The following GMDS variants were observed in gnomAD, a reference collection of about 807,000 sequenced individuals.
The protein encoded by GMDS is GDP-mannose 4,6-dehydratase, also known as GDP-mannose 4,6 dehydratase.
Under a neutral mutation model 49.9 loss-of-function variants are expected in GMDS, and 20 were observed. The observed-to-expected ratio is 0.40, with a 90% CI of 0.28 to 0.58. The LOEUF (loss-of-function observed/expected upper bound fraction) is 0.58. Ranked by LOEUF, GMDS falls within the 20% of genes least tolerant of loss-of-function variation. GMDS has a pLI of 0.42. For synonymous variants in GMDS, 177 were observed against 178.6 expected, an observed-to-expected ratio of 0.99 and a Z score of 0.07; for missense variants, 362 against 481.4, an observed-to-expected ratio of 0.75 and a Z score of 2.32.
intron 9 of GMDS, among the ~76,000 whole-genome samples, chr6:1,664,572 A>C (rs970035062): frequency 6.6e-6 from 1 of 152,208 alleles, no homozygotes; most frequent in Non-Finnish European, 1.5e-5. Flanking sequence ...GGACAATCAC[A>C]TAACGAAGCT....
At chr6:2,149,010 T>C (rs1776713441) in intron 1 of GMDS, among the ~76,000 whole-genome samples, 1 of 152,162 alleles carries the variant, frequency 6.6e-6, no homozygotes, top group Non-Finnish European at 1.5e-5. Flanking sequence ...ACATCAGACA[T>C]GGAGAGCACC....
At chr6:1,658,896 C>T (rs1364748833) in intron 9 of GMDS, among the ~76,000 whole-genome samples, 1 of 152,224 alleles carries the variant, frequency 6.6e-6, no homozygotes, top group African/African-American at 2.4e-5. Flanking sequence ...TCCTGGAATA[C>T]CTGAACGGCT....
intron 7 of GMDS, among the ~76,000 whole-genome samples, chr6:1,875,425 C>T (rs1211748503): frequency 1.3e-5 from 2 of 151,782 alleles, no homozygotes; most frequent in African/African-American, 2.4e-5. Context: ...TGTATAAGTG[C>T]CACAAGATGT....
chr6:2,003,416 C>T (rs908012042), intron 4 of GMDS, among the ~76,000 whole-genome samples: 5 of 152,066 alleles, frequency 3.3e-5, no homozygotes, highest in South Asian at 2.1e-4. Flanking sequence ...CACTGCCAAG[C>T]GAAATGACTA....
intron 7 of GMDS, among the ~76,000 whole-genome samples, chr6:1,824,132 C>G (rs1358876041): frequency 1.3e-5 from 2 of 152,158 alleles, no homozygotes; most frequent in Admixed American, 1.3e-4. Flanking sequence ...GGCTTCTCTT[C>G]TCATCTGTTT....
intron 7 of GMDS, among the ~76,000 whole-genome samples, chr6:1,883,762 AG>A (rs746067873): frequency 1.3e-3 from 192 of 152,324 alleles, no homozygotes; most frequent in Non-Finnish European, 1.9e-3. Flanking sequence ...GCAATGAAAA[AG>A]CTTCACCATT....
At chr6:1,888,240 G>A (rs1221328879) in intron 7 of GMDS, among the ~76,000 whole-genome samples, 1 of 151,098 alleles carries the variant, frequency 6.6e-6, no homozygotes, top group African/African-American at 2.4e-5. Flanking sequence ...TTTTCACACT[G>A]CTATAATTAC....
chr6:1,632,143 C>T (rs1215313902), intron 9 of GMDS, among the ~76,000 whole-genome samples: 3 of 152,204 alleles, frequency 2.0e-5, no homozygotes, highest in South Asian at 4.1e-4. Flanking sequence ...ACAAAGTCAT[C>T]TAGTGGTCAG....
Position 2,032,165 on chromosome 6 carries a change from C to G in GMDS, c.346-71199G>C, listed in dbSNP as rs146492975. Among the ~76,000 whole-genome samples the G allele has an allele frequency of 5.4e-3, 829 of 152,254 alleles. 4 individuals are homozygous for G. Among genetic ancestry groups the G allele is most frequent in the Non-Finnish European group, 9.5e-3 (643 of 68,004 alleles). On this transcript the variant is annotated intron_variant, in intron 4 of 10. Transcript: ENST00000380815. The stretch of plus-strand genomic sequence containing the variant: ...CCATCAACAGTTGCTAGTTCATCAT[C>G]GGGAAGACATATACTGTGAACTGTT...
intron 4 of GMDS, among the ~76,000 whole-genome samples, chr6:2,016,026 C>A (rs1028180373): frequency 7.2e-6 from 1 of 139,396 alleles, no homozygotes; most frequent in East Asian, 2.0e-4. Context: ...TTGCTTGAGC[C>A]CAGGAAATAG....
chr6:1,694,221 G>A (rs553341625), intron 9 of GMDS, among the ~76,000 whole-genome samples: 14 of 152,160 alleles, frequency 9.2e-5, no homozygotes, highest in South Asian at 6.2e-4. Context: ...TTATCTGTCC[G>A]TAAGAAGGAA....
intron 1 of GMDS, among the ~76,000 whole-genome samples, chr6:2,236,597 T>C (rs1001105031): frequency 1.3e-5 from 2 of 152,248 alleles, no homozygotes; most frequent in African/African-American, 2.4e-5. Context: ...TGTCTGCATA[T>C]ACTTGCAAAA....
In GMDS at chr6:2,117,542, T is replaced by C; in HGVS notation, c.162A>G (p.Val54=). 6.2e-7 allele frequency: 1 copy of C among 1,601,016 alleles called. No individual in the cohort carries two copies. The highest frequency in any genetic ancestry group is 8.6e-7 in the Non-Finnish European group (1 of 1,168,010). The change falls in exon 3 of 11, where the codon GTA becomes GTG. Residue 54 remains valine, a synonymous_variant. Transcript: ENST00000380815. ...LEKGYEVHGI[V]RRSSSFNTGR... is the part of the protein sequence containing the mutation. Reference sequence around the variant, plus strand: ...CCGTATTAAATGAACTGGACCGCCGTACAATTCCATGGACCTGAGTTTTTA... The same window carrying C: ...CCGTATTAAATGAACTGGACCGCCGCACAATTCCATGGACCTGAGTTTTTA...
chr6:1,728,201 G>C (rs1407658184), intron 8 of GMDS, among the ~76,000 whole-genome samples: 1 of 152,154 alleles, frequency 6.6e-6, no homozygotes, highest in Non-Finnish European at 1.5e-5. Flanking sequence ...TCCACAGGAA[G>C]GGAGGACAAT....
At chr6:2,160,077 T>C (rs1310474320) in intron 1 of GMDS, among the ~76,000 whole-genome samples, 1 of 152,178 alleles carries the variant, frequency 6.6e-6, no homozygotes, top group Non-Finnish European at 1.5e-5. Context: ...AAAGCAACTA[T>C]GAACAATTTA....
rs150875932 is a variant in GMDS at position 1,668,007 on chromosome 6, A to G, written c.988-43467T>C. Among the ~76,000 whole-genome samples, 63 of 152,308 alleles carry G rather than the reference A, an allele frequency of 4.1e-4. 1 individual carries two copies. The South Asian group carries it at 4.6e-3, about 11-fold the overall frequency. On this transcript the variant is annotated intron_variant, in intron 9 of 10. Transcript: ENST00000380815. ...ATCCCGGGAGTCTGGCCTATGCACAAGTCCCAGGGTGAATGAAGGGAGTGA... is the reference window on the plus strand; with the variant it reads ...ATCCCGGGAGTCTGGCCTATGCACAGGTCCCAGGGTGAATGAAGGGAGTGA...
intron 7 of GMDS, among the ~76,000 whole-genome samples, chr6:1,871,660 T>C (rs1474395657): frequency 3.9e-5 from 6 of 152,254 alleles, no homozygotes; most frequent in African/African-American, 1.2e-4. Context: ...ACTTGATACT[T>C]GTTCCATGCT....
chr6:1,747,093 G>A (rs979315767), intron 7 of GMDS, among the ~76,000 whole-genome samples: 4 of 152,184 alleles, frequency 2.6e-5, no homozygotes, highest in African/African-American at 9.6e-5. Flanking sequence ...AAGTGGTTTG[G>A]GAGGCTCAGG....
At chr6:2,219,455 A>G (rs1780484406) in intron 1 of GMDS, among the ~76,000 whole-genome samples, 1 of 152,202 alleles carries the variant, frequency 6.6e-6, no homozygotes, top group Admixed American at 6.5e-5. Flanking sequence ...CCTCTAAACC[A>G]GTGCTTCTCA....
Sources: allele counts gnomAD v4.1 joint callset (sites outside exome capture counted in the v4.1 genomes callset), GRCh38; gene constraint gnomAD v4.1.1; transcripts MANE v1.5; gene names NCBI Gene and HGNC (gene_info 2026-07-23, HGNC 2026-07-21).